The following PSD3 variants were observed in gnomAD, a reference collection of about 807,000 sequenced individuals.
PSD3 encodes PH and SEC7 domain-containing protein 3.
A neutral mutation model predicts 105.5 loss-of-function variants in PSD3; 49 were observed. That is an observed-to-expected ratio of 0.46 (90% CI 0.37 to 0.59). The LOEUF (loss-of-function observed/expected upper bound fraction) is 0.59. Among genes scored for constraint, PSD3 ranks in the 20% least tolerant of loss-of-function variants. PSD3 has a pLI of 0.00. For synonymous variants in PSD3, 557 were observed against 457.8 expected (o/e 1.22, Z -2.77); for missense variants, 1,561 against 1,263.8 (o/e 1.24, Z -3.57).
At chr8:18,706,578 C>A (rs772430958) in intron 9 of PSD3, among the ~76,000 whole-genome samples, 19 of 152,230 alleles carry the variant, frequency 1.2e-4, no homozygotes, top group Admixed American at 6.5e-4. Flanking sequence ...CCCATCCATG[C>A]ACAATCCAGG....
chr8:19,015,833 C>T (rs1458137168), upstream of PSD3, among the ~76,000 whole-genome samples: 1 of 152,206 alleles, frequency 6.6e-6, no homozygotes, highest in African/African-American at 2.4e-5. Flanking sequence ...AGTGAAGCCA[C>T]AGAAATGTGT....
At chr8:18,728,655 C>T (rs1168328743) in intron 9 of PSD3, among the ~76,000 whole-genome samples, 22 of 152,232 alleles carry the variant, frequency 1.4e-4, no homozygotes. Flanking sequence ...CTTTCAAGGG[C>T]CAAGCAGTCA....
chr8:18,737,891 G>A (rs1313457037), intron 9 of PSD3, among the ~76,000 whole-genome samples: 1 of 152,134 alleles, frequency 6.6e-6, no homozygotes, highest in African/African-American at 2.4e-5. Flanking sequence ...TTGCAAGTAT[G>A]CCCTTGCACA....
intron 1 of PSD3, among the ~76,000 whole-genome samples, chr8:18,976,327 C>A (rs1026276268): frequency 6.6e-6 from 1 of 152,128 alleles, no homozygotes; most frequent in Non-Finnish European, 1.5e-5. Flanking sequence ...AAATAAATTA[C>A]AAATTACATT....
intron 14 of PSD3, among the ~76,000 whole-genome samples, chr8:18,563,486 A>G (rs562685654): frequency 1.3e-5 from 2 of 152,240 alleles, no homozygotes; most frequent in South Asian, 4.1e-4. Flanking sequence ...TAAACACTGG[A>G]AACTGTTCAA....
In PSD3 at chr8:18,530,594, T is replaced by A. The variant is rs962927205; in HGVS notation, c.*5149A>T. ...TACAACAACAATAAAGAACGTGTGC[T>A]TTAAAGCATCACATTTTGTAATAAG... On this transcript the variant is annotated 3_prime_UTR_variant, in exon 16 of 16. Transcript: ENST00000327040. 1 of 152,666 alleles carries A rather than the reference T, an allele frequency of 6.6e-6. No homozygotes were observed. The highest frequency in any genetic ancestry group is 2.4e-5 in the African/African-American group (1 of 41,474). The allele number at this position is 152,666 out of a possible 1,614,324, so 9.5% of individuals were successfully genotyped here.
intron 12 of PSD3, among the ~76,000 whole-genome samples, chr8:18,575,541 C>T (rs1306884593): frequency 6.6e-6 from 1 of 151,872 alleles, no homozygotes; most frequent in Admixed American, 6.6e-5. Flanking sequence ...AACTGATATA[C>T]AATAATTGAG....
At chr8:18,636,163 A>G (rs999162195) in intron 10 of PSD3, among the ~76,000 whole-genome samples, 3 of 152,172 alleles carry the variant, frequency 2.0e-5, no homozygotes, top group African/African-American at 7.2e-5. Flanking sequence ...GATATTGATG[A>G]TCCTGACCCT....
chr8:18,577,259 C>G (rs1403405502), intron 12 of PSD3, among the ~76,000 whole-genome samples: 1 of 151,844 alleles, frequency 6.6e-6, no homozygotes, highest in East Asian at 1.9e-4. Context: ...GGCTTATGAC[C>G]AGAGAATATG....
intron 11 of PSD3, among the ~76,000 whole-genome samples, chr8:18,606,292 T>C (rs1804823664): frequency 6.6e-6 from 1 of 152,198 alleles, no homozygotes; most frequent in Admixed American, 6.5e-5. Context: ...CTAAATGCTG[T>C]GTAATTTTAT....
chr8:18,823,881 T>C (rs538499023), intron 4 of PSD3, among the ~76,000 whole-genome samples: 38 of 151,746 alleles, frequency 2.5e-4, no homozygotes, highest in Admixed American at 2.0e-3. Flanking sequence ...ACTATAAACT[T>C]AGTGGAGAAA....
rs1357295245 is a variant in PSD3 at position 18,912,202 on chromosome 8, A to G, written c.130+23832T>C. 2.6e-5 allele frequency among the ~76,000 whole-genome samples: 4 copies of G among 152,254 alleles called. No individual in the cohort carries two copies. The East Asian group carries it at 5.8e-4, about 22-fold the overall frequency. On this transcript the variant is annotated intron_variant, in intron 2 of 15. Coordinates refer to ENST00000327040, the MANE Select transcript of PSD3 (RefSeq NM_015310.4). ...CATAATGTCATAATGAGATTAAGATATAACAGGGAATATTTGTACACCACT... is the reference window on the plus strand; with the variant it reads ...CATAATGTCATAATGAGATTAAGATGTAACAGGGAATATTTGTACACCACT...
intron 9 of PSD3, among the ~76,000 whole-genome samples, chr8:18,659,618 T>A (rs565763178): frequency 6.6e-6 from 1 of 152,348 alleles, no homozygotes; most frequent in Admixed American, 6.5e-5. Flanking sequence ...TTTGAAAAGA[T>A]AATAAGACTT....
chr8:19,026,414 C>T (rs546898535), intron 1 of PSD3, among the ~76,000 whole-genome samples: 1 of 151,960 alleles, frequency 6.6e-6, no homozygotes, highest in South Asian at 2.1e-4. Context: ...AAGGGCTAAT[C>T]GCAGAAGCTG....
At chr8:19,011,870 G>T (rs1434704762) in intron 1 of PSD3, among the ~76,000 whole-genome samples, 2 of 152,092 alleles carry the variant, frequency 1.3e-5, no homozygotes, top group Non-Finnish European at 2.9e-5. Context: ...TCAATGGTCA[G>T]GATAAGAGTG....
At chr8:18,670,542 C>T (rs1184935881) in intron 9 of PSD3, among the ~76,000 whole-genome samples, 8 of 152,000 alleles carry the variant, frequency 5.3e-5, no homozygotes, top group South Asian at 2.1e-4. Context: ...GGATTAGGGA[C>T]GGATCAGGCT....
chr8:18,733,303 G>T (rs1471887376), intron 9 of PSD3: 1 of 152,140 alleles, frequency 6.6e-6, no homozygotes, highest in Non-Finnish European at 1.5e-5. Context: ...TAAGTTCAAT[G>T]TTTCTAGCAT....
intron 14 of PSD3, among the ~76,000 whole-genome samples, chr8:18,564,496 G>A (rs935888207): frequency 6.6e-6 from 1 of 152,210 alleles, no homozygotes; most frequent in Non-Finnish European, 1.5e-5. Context: ...GGGCATGGTG[G>A]TGCACACCTG....
chr8:18,977,005 C>T lies in PSD3; in HGVS notation c.21+36558G>A, dbSNP rs147233121. Among the ~76,000 whole-genome samples the T allele has an allele frequency of 2.0e-3, 305 of 152,034 alleles. 2 individuals carry two copies. The highest frequency in any genetic ancestry group is 6.9e-3 in the African/African-American group (286 of 41,476). Reference sequence around the variant, plus strand: ...GTTTGACTTTGTTTTTAAAGTCTAACGGTATGAGTGTGGTTAAGAAATGGT... The same window carrying T: ...GTTTGACTTTGTTTTTAAAGTCTAATGGTATGAGTGTGGTTAAGAAATGGT... On this transcript the variant is annotated intron_variant, in intron 1 of 15. Transcript: ENST00000327040.
Sources: allele counts gnomAD v4.1 joint callset (sites outside exome capture counted in the v4.1 genomes callset), GRCh38; gene constraint gnomAD v4.1.1; transcripts MANE v1.5; gene names NCBI Gene and HGNC (gene_info 2026-07-23, HGNC 2026-07-21).